FRMD5: variants seen among roughly 807,000 people sequenced by gnomAD.
FRMD5 encodes FERM domain containing 5.
FRMD5 carries 20 observed loss-of-function variants against 69.0 expected under a neutral mutation model. The ratio of observed to expected loss-of-function variants is 0.29; its 90% CI spans 0.20 to 0.42. The LOEUF (loss-of-function observed/expected upper bound fraction) is 0.42, where lower values mean the gene tolerates loss of function less well. FRMD5 is among the 10% of genes least tolerant of loss of function. The pLI is 1.00. For synonymous variants in FRMD5, 271 were observed against 260.1 expected, an observed-to-expected ratio of 1.04 and a Z score of -0.40; for missense variants, 595 against 708.6, an observed-to-expected ratio of 0.84 and a Z score of 1.82.
At chr15:44,095,866 C>T (rs1466740084) in intron 1 of FRMD5, among the ~76,000 whole-genome samples, 17 of 152,176 alleles carry the variant, frequency 1.1e-4, no homozygotes. Context: ...TGAAAGCCCA[C>T]TTCCATCCTT....
At chr15:44,179,929 C>T (rs889161777) in intron 1 of FRMD5, among the ~76,000 whole-genome samples, 6 of 152,086 alleles carry the variant, frequency 3.9e-5, no homozygotes, top group Non-Finnish European at 8.8e-5. Context: ...ATCCCAGCCA[C>T]TTCGGAAGCT....
chr15:43,963,537 C>G (rs1357198635), intron 1 of FRMD5, among the ~76,000 whole-genome samples: 1 of 152,158 alleles, frequency 6.6e-6, no homozygotes, highest in Non-Finnish European at 1.5e-5. Flanking sequence ...TACCATTTGA[C>G]CCAGCCATCC....
intron 10 of FRMD5, among the ~76,000 whole-genome samples, chr15:43,887,105 A>C (rs2088682108): frequency 6.6e-6 from 1 of 152,202 alleles, no homozygotes; most frequent in African/African-American, 2.4e-5. Flanking sequence ...GACAAGAGGC[A>C]AGGAGATTGC....
intron 1 of FRMD5, among the ~76,000 whole-genome samples, chr15:44,051,339 A>T (rs1892657280): frequency 6.8e-6 from 1 of 146,856 alleles, no homozygotes. Context: ...TTTAGTAGAG[A>T]CGGGGTTTTA....
chr15:43,941,519 T>C (rs2089863147), intron 1 of FRMD5, among the ~76,000 whole-genome samples: 1 of 152,234 alleles, frequency 6.6e-6, no homozygotes, highest in African/African-American at 2.4e-5. Flanking sequence ...CTTCTCAATA[T>C]GTTGTAATTA....
chr15:44,127,594 C>T (rs370938604), intron 1 of FRMD5, among the ~76,000 whole-genome samples: 20 of 152,172 alleles, frequency 1.3e-4, no homozygotes, highest in African/African-American at 2.9e-4. Flanking sequence ...ATAACCAGGC[C>T]GGGTGCAATG....
intron 1 of FRMD5, among the ~76,000 whole-genome samples, chr15:43,990,813 T>C (rs996622086): frequency 6.6e-6 from 1 of 152,252 alleles, no homozygotes; most frequent in African/African-American, 2.4e-5. Context: ...TTTTAGCCAC[T>C]GAAAAGACAG....
chr15:44,054,563 C>T (rs12437804), intron 1 of FRMD5, among the ~76,000 whole-genome samples: 125,223 of 152,074 alleles, frequency 0.82, 54,416 homozygotes, highest in Non-Finnish European at 0.95. Flanking sequence ...AGGGGTTGTC[C>T]GCCAAAGAAT....
intron 1 of FRMD5, among the ~76,000 whole-genome samples, chr15:44,160,982 G>A (rs909535182): frequency 6.6e-6 from 1 of 152,212 alleles, no homozygotes; most frequent in Non-Finnish European, 1.5e-5. Context: ...TACAAGAGAG[G>A]AGGCAGGTAA....
At chr15:43,999,675 C>T (rs1890092384) in intron 1 of FRMD5, among the ~76,000 whole-genome samples, 1 of 151,850 alleles carries the variant, frequency 6.6e-6, no homozygotes, top group African/African-American at 2.4e-5. Flanking sequence ...TATGTGAGAT[C>T]ATGCAGTATT....
intron 1 of FRMD5, chr15:43,990,147 C>T (rs1889603049): frequency 1.7e-6 from 1 of 592,548 alleles, no homozygotes; most frequent in South Asian, 1.6e-5. Context: ...CATGCCAGAG[C>T]CATTGTCGAC....
intron 1 of FRMD5, among the ~76,000 whole-genome samples, chr15:44,166,504 G>A (rs963335212): frequency 2.2e-4 from 33 of 151,336 alleles, no homozygotes; most frequent in African/African-American, 5.3e-4. Flanking sequence ...TCTCATGTAC[G>A]CCAGGTGCGA....
At chr15:44,159,614 T>C (rs2077581249) in intron 1 of FRMD5, among the ~76,000 whole-genome samples, 1 of 152,174 alleles carries the variant, frequency 6.6e-6, no homozygotes, top group African/African-American at 2.4e-5. Flanking sequence ...ATCAAGCAGA[T>C]GACACTGCCA....
intron 6 of FRMD5, 101 bp downstream of exon 6, chr15:43,905,727 G>T: frequency 1.4e-6 from 2 of 1,440,870 alleles, no homozygotes; most frequent in Non-Finnish European, 1.9e-6. Flanking sequence ...ATCACTCTGT[G>T]TCAGTAAACA....
At chr15:44,037,496 T>C (rs1412570197) in intron 1 of FRMD5, among the ~76,000 whole-genome samples, 4 of 147,228 alleles carry the variant, frequency 2.7e-5, no homozygotes, top group Non-Finnish European at 1.5e-5. Flanking sequence ...TGATATGGAG[T>C]CTTGCTCTGT....
intron 1 of FRMD5, among the ~76,000 whole-genome samples, chr15:43,935,977 T>C (rs1019932674): frequency 3.3e-5 from 5 of 152,160 alleles, no homozygotes; most frequent in Non-Finnish European, 7.4e-5. Context: ...GGTTTAGACA[T>C]ACCTGAAAAA....
rs550086760 is a variant in FRMD5, at chr15:43,945,389, T to C, written c.103-21080A>G. Among the ~76,000 whole-genome samples, 4 of 152,236 alleles carry C rather than the reference T, an allele frequency of 2.6e-5. No homozygotes were observed. The East Asian group carries it at 7.7e-4, about 29-fold the overall frequency. ...AAAAATTTTCCTGAACCCAAAGAAC[T>C]AGAAAGAATACTAAACAAAAGCCAA... On this transcript the variant is annotated intron_variant, in intron 1 of 13. Transcript: ENST00000417257.
In FRMD5 at chr15:43,902,158, C is replaced by CAGAGGAGG. The variant is rs2089061518; in HGVS notation, c.639+16_639+17insCCTCCTCT. On this transcript the variant is annotated intron_variant, in intron 7 of 13. Transcript: ENST00000417257. ...AGAGGAGGAAAGGTCATGCAGTCTC[C>CAGAGGAGG]AACCAGGGGGTCTTACCTTACATGG... 6.2e-7 allele frequency: 1 copy of CAGAGGAGG among 1,601,216 alleles called. No individual in the cohort carries two copies. The highest frequency in any genetic ancestry group is 1.7e-5 in the Admixed American group (1 of 59,970).
intron 1 of FRMD5, among the ~76,000 whole-genome samples, chr15:44,158,603 T>C (rs1179638664): frequency 6.6e-6 from 1 of 152,178 alleles, no homozygotes; most frequent in Non-Finnish European, 1.5e-5. Flanking sequence ...ATTATAAACA[T>C]AGAAGATTAT....
Sources: gnomAD v4.1 joint callset for allele counts (sites outside exome capture counted in the v4.1 genomes callset) on GRCh38, gnomAD v4.1.1 for gene constraint, MANE v1.5 for transcripts, NCBI Gene and HGNC (gene_info 2026-07-23, HGNC 2026-07-21) for gene names.